MICU3: variants seen among roughly 807,000 people sequenced by gnomAD.
The protein encoded by MICU3 is mitochondrial calcium uptake 3, also known as calcium uptake protein 3, mitochondrial.
A neutral mutation model predicts 66.5 loss-of-function variants in MICU3; 62 were observed. That is an observed-to-expected ratio of 0.93 (90% CI 0.76 to 1.15). The LOEUF is 1.15. MICU3 is among the 50% of genes most tolerant of loss of function. The pLI is 0.00. For missense variants in MICU3, 779 were observed against 664.4 expected (o/e 1.17, Z -1.90); for synonymous variants, 308 against 240.7 (o/e 1.28, Z -2.59).
intron 1 of MICU3, among the ~76,000 whole-genome samples, chr8:17,036,740 C>A (rs1245933328): frequency 6.6e-6 from 1 of 152,224 alleles, no homozygotes; most frequent in Non-Finnish European, 1.5e-5. Flanking sequence ...GACTCAGGAG[C>A]CCAGCTGGCC....
intron 1 of MICU3, among the ~76,000 whole-genome samples, chr8:17,046,919 T>C (rs1183905696): frequency 6.6e-6 from 1 of 152,060 alleles, no homozygotes; most frequent in East Asian, 1.9e-4. Flanking sequence ...GGAGCAGACA[T>C]AGCTGGCAGA....
At chr8:17,098,354 C>T (rs781000412) in intron 8 of MICU3, 104 bp from the exon 9 acceptor site, 2 of 813,238 alleles carry the variant, frequency 2.5e-6, no homozygotes, top group Non-Finnish European at 4.3e-6. Context: ...AAAAGGTAAG[C>T]TAATGTGTTT....
chr8:17,079,354 C>T (rs145357111), intron 4 of MICU3, among the ~76,000 whole-genome samples: 147 of 152,064 alleles, frequency 9.7e-4, no homozygotes, highest in African/African-American at 3.2e-3. Context: ...TAGTACAATG[C>T]GTATCTGTAT....
At chr8:17,119,898 G>A (rs543148468) in intron 14 of MICU3, among the ~76,000 whole-genome samples, 1 of 152,106 alleles carries the variant, frequency 6.6e-6, no homozygotes, top group Non-Finnish European at 1.5e-5. Context: ...AAAGAAGTCA[G>A]GTCTTCCTAA....
intron 1 of MICU3, among the ~76,000 whole-genome samples, chr8:17,062,327 GTCTCTCCAGCCAGCAT>G (rs1817958362): frequency 6.6e-6 from 1 of 151,976 alleles, no homozygotes. Flanking sequence ...TGTGCCTTTT[GTCTCTCCAGCCAGCAT>G]TCTCTCTTTC....
chr8:17,080,235 T>A (rs1820979008), intron 4 of MICU3, among the ~76,000 whole-genome samples: 1 of 152,172 alleles, frequency 6.6e-6, no homozygotes, highest in African/African-American at 2.4e-5. Flanking sequence ...TAAATTATAA[T>A]ATATCATGGG....
At chr8:17,137,812 A>G in the MICU3 span, among the ~76,000 whole-genome samples, 2 of 143,218 alleles carry the variant, frequency 1.4e-5, no homozygotes, top group Non-Finnish European at 3.0e-5. Context: ...CGATTCCCAG[A>G]TTCAAGCAGT....
Position 17,062,535 on chromosome 8 carries a change from A to T in MICU3, c.382-1549A>T, listed in dbSNP as rs147375580. On this transcript the variant is annotated intron_variant, in intron 1 of 14. Coordinates refer to ENST00000318063, the MANE Select transcript of MICU3 (RefSeq NM_181723.3). ...CATTTGCCTGGCTTTTCGTTTAATAAGATGTAACTTAGAAATAAAGTAGTA... is the reference window on the plus strand; with the variant it reads ...CATTTGCCTGGCTTTTCGTTTAATATGATGTAACTTAGAAATAAAGTAGTA... Among the ~76,000 whole-genome samples the T allele has an allele frequency of 3.0e-4, 45 of 152,312 alleles. No homozygotes were observed. The East Asian group carries it at 7.3e-3, about 25-fold the overall frequency.
At chr8:17,035,321 G>T (rs1812781106) in intron 1 of MICU3, among the ~76,000 whole-genome samples, 1 of 152,190 alleles carries the variant, frequency 6.6e-6, no homozygotes, top group African/African-American at 2.4e-5. Flanking sequence ...CCAAAAATGT[G>T]GAAGTGACTT....
chr8:17,123,164 TTAG>T (rs1803303718), downstream of MICU3, among the ~76,000 whole-genome samples: 1 of 152,142 alleles, frequency 6.6e-6, no homozygotes, highest in South Asian at 2.1e-4. Flanking sequence ...TTTTAATTTC[TTAG>T]TAGTTCATAA....
intron 2 of MICU3, among the ~76,000 whole-genome samples, chr8:17,067,171 A>G (rs189587382): frequency 2.9e-4 from 44 of 152,328 alleles, no homozygotes; most frequent in Middle Eastern, 3.4e-3. Context: ...AAAGAATAGA[A>G]CAATGTTTCA....
At chr8:17,030,131 T>C (rs150135587) in intron 1 of MICU3, among the ~76,000 whole-genome samples, 4 of 152,350 alleles carry the variant, frequency 2.6e-5, no homozygotes, top group Admixed American at 2.0e-4. Flanking sequence ...TTTTCTCTTT[T>C]TGCTGTAAGG....
At chr8:17,088,281 T>A (rs948832480) in intron 7 of MICU3, among the ~76,000 whole-genome samples, 11 of 151,932 alleles carry the variant, frequency 7.2e-5, no homozygotes, top group Admixed American at 6.6e-5. Flanking sequence ...GTAATGTTAG[T>A]CAAGTATCAA....
intron 6 of MICU3, among the ~76,000 whole-genome samples, 170 bp from the exon 7 acceptor site, chr8:17,086,794 A>G (rs568872415): frequency 4.9e-4 from 74 of 152,212 alleles, no homozygotes; most frequent in African/African-American, 1.7e-3. Flanking sequence ...CAAAGGATAT[A>G]TCTTCTTGGG....
intron 1 of MICU3, among the ~76,000 whole-genome samples, chr8:17,045,035 C>T (rs1400496580): frequency 6.6e-6 from 1 of 151,836 alleles, no homozygotes; most frequent in South Asian, 2.1e-4. Context: ...TGGCTAAAAA[C>T]CAGGGCTCTT....
intron 12 of MICU3, among the ~76,000 whole-genome samples, chr8:17,114,895 G>A (rs1032541473): frequency 2.0e-5 from 3 of 152,112 alleles, no homozygotes; most frequent in East Asian, 1.9e-4. Context: ...TGAGGCGGGC[G>A]GATCACGAGG....
intron 1 of MICU3, among the ~76,000 whole-genome samples, chr8:17,058,837 C>G (rs765683401): frequency 1.9e-4 from 29 of 152,162 alleles, no homozygotes; most frequent in Admixed American, 3.9e-4. Flanking sequence ...TTAGATCATT[C>G]TCTAAGTAAA....
intron 3 of MICU3, among the ~76,000 whole-genome samples, chr8:17,077,578 C>A (rs569351506): frequency 3.3e-5 from 5 of 152,068 alleles, no homozygotes; most frequent in Admixed American, 2.0e-4. Context: ...TTTAATGTAG[C>A]CTCTTCATCA....
rs1811710148 is a variant in MICU3 at position 17,029,819 on chromosome 8, T to G, written c.381+2159T>G. 3.3e-5 allele frequency among the ~76,000 whole-genome samples: 5 copies of G among 152,200 alleles called. 1 individual carries two copies. The South Asian group carries it at 1.0e-3, about 31-fold the overall frequency. On this transcript the variant is annotated intron_variant, in intron 1 of 14. Transcript: ENST00000318063. ...ATTCTGTGTAATTTTCTTCTATTGT[T>G]TCTTTGATGATTTTTCTCTTCTCCC...
Sources: allele counts gnomAD v4.1 joint callset (sites outside exome capture counted in the v4.1 genomes callset), GRCh38; gene constraint gnomAD v4.1.1; transcripts MANE v1.5; gene names NCBI Gene and HGNC (gene_info 2026-07-23, HGNC 2026-07-21).